LMX1A: variants seen among roughly 807,000 people sequenced by gnomAD.
The protein encoded by LMX1A is LIM homeobox transcription factor 1 alpha, also known as LIM homeobox transcription factor 1-alpha.
LMX1A carries 15 observed loss-of-function variants against 49.1 expected under a neutral mutation model. The ratio of observed to expected loss-of-function variants is 0.31; its 90% CI spans 0.20 to 0.47. LMX1A has a LOEUF of 0.47. Ranked by LOEUF, LMX1A falls within the 20% of genes least tolerant of loss-of-function variation. The probability of loss-of-function intolerance (pLI) is 1.00; values close to 1 mark genes in which losing one functional copy is unlikely to be tolerated. For synonymous variants in LMX1A, 167 were observed against 185.7 expected (o/e 0.90, Z 0.82); for missense variants, 372 against 475.8 (o/e 0.78, Z 2.03).
intron 3 of LMX1A, among the ~76,000 whole-genome samples, chr1:165,251,974 C>T (rs989328306): frequency 2.6e-5 from 4 of 152,134 alleles, no homozygotes; most frequent in African/African-American, 4.8e-5. Context: ...TTGTTTAGCC[C>T]GCCCCTTCAT....
At chr1:165,320,525 C>A (rs1161250592) in intron 3 of LMX1A, among the ~76,000 whole-genome samples, 1 of 152,178 alleles carries the variant, frequency 6.6e-6, no homozygotes, top group Non-Finnish European at 1.5e-5. Context: ...GCTTTGGTCA[C>A]TGGCCATATG....
intron 4 of LMX1A, among the ~76,000 whole-genome samples, chr1:165,234,453 T>C (rs1165757388): frequency 1.3e-5 from 2 of 152,204 alleles, no homozygotes; most frequent in African/African-American, 4.8e-5. Context: ...TCTACGATAA[T>C]ATTAATGTAT....
intron 4 of LMX1A, among the ~76,000 whole-genome samples, chr1:165,231,584 CAACTTTATGTTCTGATTAATCCTT>C (rs1652243392): frequency 6.6e-6 from 1 of 152,230 alleles, no homozygotes; most frequent in Admixed American, 6.5e-5. Context: ...GTTATGTTCA[CAACTTTATGTTCTGATTAATCCTT>C]TTCTTTATAC....
At chr1:165,293,253 G>A (rs1321154072) in intron 3 of LMX1A, among the ~76,000 whole-genome samples, 2 of 152,150 alleles carry the variant, frequency 1.3e-5, no homozygotes, top group African/African-American at 4.8e-5. Flanking sequence ...TTCAATTTGA[G>A]TTTTATTTTT....
chr1:165,244,391 A>G (rs1371278711), intron 4 of LMX1A, among the ~76,000 whole-genome samples: 1 of 152,172 alleles, frequency 6.6e-6, no homozygotes, highest in East Asian at 1.9e-4. Context: ...CTGACAACCT[A>G]CTACTTGTGA....
At position 165,203,847 on chromosome 1, in the gene LMX1A, T is replaced by A. The variant is rs748087154; in HGVS notation, c.*33A>T. 3.1e-6 allele frequency: 5 copies of A among 1,608,382 alleles called. No individual in the cohort carries two copies. The highest frequency in any genetic ancestry group is 1.7e-5 in the Admixed American group (1 of 59,936). On this transcript the variant is annotated 3_prime_UTR_variant, in exon 9 of 9. Transcript: ENST00000342310. ...CCTCAAAGAATATGGTTGTTCCATA[T>A]GGGAGCCTAGTCACAGAACTCTAGG...
chr1:165,232,057 T>C (rs977953372), intron 4 of LMX1A, among the ~76,000 whole-genome samples: 18 of 152,318 alleles, frequency 1.2e-4, no homozygotes, highest in Admixed American at 3.3e-4. Context: ...CCATGGTGCT[T>C]GGGTATACCC....
chr1:165,264,314 C>A (rs990873245), intron 3 of LMX1A, among the ~76,000 whole-genome samples: 2 of 152,086 alleles, frequency 1.3e-5, no homozygotes, highest in African/African-American at 4.8e-5. Flanking sequence ...GAGGGACAGA[C>A]ATGAGTAGCT....
chr1:165,265,481 C>T (rs541066847), intron 3 of LMX1A, among the ~76,000 whole-genome samples: 2 of 152,124 alleles, frequency 1.3e-5, no homozygotes, highest in African/African-American at 4.8e-5. Context: ...GTGGAGTTCC[C>T]TTTCAAAAGG....
intron 3 of LMX1A, among the ~76,000 whole-genome samples, chr1:165,328,942 C>A (rs1490979097): frequency 6.6e-6 from 1 of 152,180 alleles, no homozygotes; most frequent in East Asian, 1.9e-4. Flanking sequence ...TCAGGGCATA[C>A]CTCCCCCATG....
At position 165,355,938 on chromosome 1, in the gene LMX1A, T is replaced by C. The variant is rs1656595033; in HGVS notation, c.-22-357A>G. On this transcript the variant is annotated intron_variant, in intron 1 of 8. Coordinates refer to ENST00000342310, the MANE Select transcript of LMX1A (RefSeq NM_177398.4). The surrounding 1 kb of genome is among the most constrained non-coding windows in gnomAD (Gnocchi z 4.7). ...CGAAGGTGGGCCCTCGGGACGTCTC[T>C]GCAGGAACGCAGCTACTGGGGTATA... The C allele has an allele frequency of 1.2e-5, 3 of 255,830 alleles. No individual in the cohort carries two copies. The highest frequency in any genetic ancestry group is 1.5e-5 in the Non-Finnish European group (2 of 132,338). The allele number at this position is 255,830 out of a possible 1,614,324, so 15.8% of individuals were successfully genotyped here.
At chr1:165,278,380 G>GA (rs1654037696) in intron 3 of LMX1A, among the ~76,000 whole-genome samples, 1 of 152,260 alleles carries the variant, frequency 6.6e-6, no homozygotes, top group East Asian at 1.9e-4. Flanking sequence ...GCTACTCCAG[G>GA]AAAAAATGAA....
chr1:165,203,124 TC>T lies in LMX1A; in HGVS notation c.*755del, dbSNP rs1650915523. On this transcript the variant is annotated 3_prime_UTR_variant, in exon 9 of 9. Coordinates refer to ENST00000342310, the MANE Select transcript of LMX1A (RefSeq NM_177398.4). The stretch of plus-strand genomic sequence containing the variant: ...CAGAACATGATCAGAGATTATTCTG[TC>T]CCACCCCTGCCCAGTGATTCAACCC... 2 of 152,450 alleles carry T rather than the reference TC, an allele frequency of 1.3e-5. No individual in the cohort carries two copies. The highest frequency in any genetic ancestry group is 6.5e-5 in the Admixed American group (1 of 15,274). 9.4% of individuals were successfully genotyped at this position (152,450 alleles called of 1,614,324 possible).
At chr1:165,353,947 G>T (rs1159784479) in intron 2 of LMX1A, among the ~76,000 whole-genome samples, 1 of 152,192 alleles carries the variant, frequency 6.6e-6, no homozygotes, top group Non-Finnish European at 1.5e-5. Context: ...TGTCCCGGCC[G>T]GGATTCCCGA....
intron 3 of LMX1A, among the ~76,000 whole-genome samples, chr1:165,331,345 G>C (rs1655736478): frequency 6.6e-6 from 1 of 152,334 alleles, no homozygotes; most frequent in East Asian, 1.9e-4. Flanking sequence ...TTTCTGCAAT[G>C]ATGGAAAAGA....
intron 4 of LMX1A, among the ~76,000 whole-genome samples, chr1:165,246,120 T>C (rs1404905371): frequency 6.6e-6 from 1 of 152,152 alleles, no homozygotes; most frequent in Non-Finnish European, 1.5e-5. Context: ...AACAATGAGA[T>C]GGACTTCATT....
At chr1:165,328,971 C>T (rs756776032) in intron 3 of LMX1A, among the ~76,000 whole-genome samples, 1 of 152,130 alleles carries the variant, frequency 6.6e-6, no homozygotes, top group African/African-American at 2.4e-5. Flanking sequence ...GAGCCCTGAG[C>T]TGAGAATTGG....
rs577216903 is a variant in LMX1A, at chr1:165,283,564, T to C, written c.264-33924A>G. On this transcript the variant is annotated intron_variant, in intron 3 of 8. Transcript: ENST00000342310. The stretch of plus-strand genomic sequence containing the variant: ...TGAATGGCTCCTGACATTCAGCTCT[T>C]AGCTCAAAAGGGTCTTCCTTGACCA... Among the ~76,000 whole-genome samples, 5 of 152,342 alleles carry C rather than the reference T, an allele frequency of 3.3e-5. No individual in the cohort carries two copies. In the South Asian group the frequency reaches 8.3e-4, roughly 25 times the overall value.
At position 165,213,778 on chromosome 1, in the gene LMX1A, C is replaced by T. The variant is rs1651527728; in HGVS notation, c.532G>A (p.Ala178Thr). The change falls in exon 5 of 9, where the codon GCC becomes ACC. Residue 178 changes from alanine to threonine, a missense_variant. By Grantham distance (58) the Ala-to-Thr change is moderately conservative (BLOSUM62 0). Coordinates refer to ENST00000342310, the MANE Select transcript of LMX1A (RefSeq NM_177398.4). The part of the protein sequence containing the change: ...SDDEESLCKS[A>T]HGAGKGTAEE... ...GCAGTTCCTTTCCCTGCCCCATGGGCTGACTTGCAGAGACTTTCTTCATCA... is the reference window on the plus strand; with the variant it reads ...GCAGTTCCTTTCCCTGCCCCATGGGTTGACTTGCAGAGACTTTCTTCATCA... 1 of 1,614,180 alleles carries T rather than the reference C, an allele frequency of 6.2e-7. No homozygotes were observed. The highest frequency in any genetic ancestry group is 1.7e-5 in the Admixed American group (1 of 60,022).
Sources: gnomAD v4.1 joint callset for allele counts (sites outside exome capture counted in the v4.1 genomes callset) on GRCh38, gnomAD v4.1.1 for gene constraint, Gnocchi (gnomAD v3.1) non-coding constraint, MANE v1.5 for transcripts, NCBI Gene and HGNC (gene_info 2026-07-23, HGNC 2026-07-21) for gene names.